Variants in ITPK1 observed in about 807,000 individuals in gnomAD.
ITPK1 encodes the protein inositol-tetrakisphosphate 1-kinase, also known as inositol 1,3,4-trisphosphate 5/6-kinase.
A neutral mutation model predicts 45.3 loss-of-function variants in ITPK1; 21 were observed. The observed-to-expected ratio is 0.46, with a 90% confidence interval of 0.33 to 0.67. The LOEUF (loss-of-function observed/expected upper bound fraction) is 0.67. Among genes scored for constraint, ITPK1 ranks in the 30% least tolerant of loss-of-function variants. The pLI is 0.02. For missense variants in ITPK1, 474 were observed against 573.5 expected (o/e 0.83, Z 1.77); for synonymous variants, 258 against 253.6 (o/e 1.02, Z -0.16).
intron 4 of ITPK1, among the ~76,000 whole-genome samples, chr14:93,011,425 C>T (rs907107575): frequency 1.3e-5 from 2 of 152,182 alleles, no homozygotes; most frequent in Non-Finnish European, 2.9e-5. Context: ...ATGGTGGGGT[C>T]GGGGAGGCAC....
chr14:93,045,444 T>C (rs1220204997), intron 3 of ITPK1, among the ~76,000 whole-genome samples: 2 of 152,138 alleles, frequency 1.3e-5, no homozygotes, highest in Non-Finnish European at 2.9e-5. Flanking sequence ...ATCACCAGGA[T>C]GGGGGAAGAT....
At chr14:93,086,164 G>A (rs1740692) in intron 2 of ITPK1, among the ~76,000 whole-genome samples, 1 of 152,034 alleles carries the variant, frequency 6.6e-6, no homozygotes, top group Non-Finnish European at 1.5e-5. Context: ...TGGACTCACT[G>A]GGGGAGGGAG....
At position 93,076,472 on chromosome 14, in the gene ITPK1, A is replaced by G; in HGVS notation, c.120+123T>C. On this transcript the variant is annotated intron_variant, in intron 3 of 10. Transcript: ENST00000267615. The surrounding 1 kb of genome is among the most constrained non-coding windows in gnomAD (Gnocchi z 4.3). ...CATCAAATCCACAGGGGAGCTAAAA[A>G]CAAGCTGCACGTGAAGAAGAGAGAA... 1 of 1,146,174 alleles carries G rather than the reference A, an allele frequency of 8.7e-7. No individual in the cohort carries two copies. The highest frequency in any genetic ancestry group is 1.3e-6 in the Non-Finnish European group (1 of 777,684). 71.0% of individuals were successfully genotyped at this position (1,146,174 alleles called of 1,614,324 possible). A position where few individuals can be genotyped will look rare whatever the true frequency, so the allele number is the denominator to read the frequency against.
intron 3 of ITPK1, among the ~76,000 whole-genome samples, chr14:93,044,469 A>T (rs1429277569): frequency 6.6e-6 from 1 of 152,240 alleles, no homozygotes; most frequent in Non-Finnish European, 1.5e-5. Context: ...GAACACTGGC[A>T]TCCCTCTGCT....
chr14:93,108,857 A>G (rs1892626409), intron 2 of ITPK1, among the ~76,000 whole-genome samples: 1 of 152,226 alleles, frequency 6.6e-6, no homozygotes, highest in Non-Finnish European at 1.5e-5. Context: ...TACTAAAAAT[A>G]GAAAAATTAG....
chr14:93,064,944 A>G (rs898152537), intron 3 of ITPK1, among the ~76,000 whole-genome samples: 6 of 152,150 alleles, frequency 3.9e-5, no homozygotes, highest in African/African-American at 1.2e-4. Flanking sequence ...GTGTGCGGGG[A>G]ATCCCTGGGA....
At chr14:93,060,361 G>A (rs535766138) in intron 3 of ITPK1, among the ~76,000 whole-genome samples, 92 of 152,296 alleles carry the variant, frequency 6.0e-4, no homozygotes, top group African/African-American at 2.2e-3. Flanking sequence ...AATATGAAGA[G>A]GAACACGTTC....
intron 3 of ITPK1, among the ~76,000 whole-genome samples, chr14:93,019,380 G>A (rs897954323): frequency 7.2e-5 from 11 of 152,302 alleles, no homozygotes; most frequent in African/African-American, 1.2e-4. Flanking sequence ...CCTGACAACC[G>A]CAGCTGTTTG....
chr14:93,109,025 A>T (rs1211848643), intron 2 of ITPK1, among the ~76,000 whole-genome samples: 2 of 152,198 alleles, frequency 1.3e-5, no homozygotes. Flanking sequence ...ACATACACAC[A>T]AAAAGTATGA....
intron 2 of ITPK1, among the ~76,000 whole-genome samples, chr14:93,094,743 G>A (rs1348841047): frequency 6.6e-6 from 1 of 152,208 alleles, no homozygotes. Flanking sequence ...GGGACCCACT[G>A]CAGGCACAGG....
chr14:92,991,577 A>G (rs1192587532), intron 5 of ITPK1, among the ~76,000 whole-genome samples: 1 of 152,044 alleles, frequency 6.6e-6, no homozygotes, highest in Non-Finnish European at 1.5e-5. Flanking sequence ...ACTAGGACAC[A>G]CCCTGCTTAA....
chr14:93,034,217 C>CCT lies in ITPK1; in HGVS notation c.121-17417_121-17416insAG, dbSNP rs1889207676. 6.6e-6 allele frequency among the ~76,000 whole-genome samples: 1 copy of CCT among 151,034 alleles called. No homozygotes were observed. The highest frequency in any genetic ancestry group is 1.5e-5 in the Non-Finnish European group (1 of 67,694). On this transcript the variant is annotated intron_variant, in intron 3 of 10. Transcript: ENST00000267615. This position sits in a 1 kb window ranked among gnomAD's most constrained non-coding sequence, Gnocchi z 4.1. ...CTGAACTGGGAGGTGGCTTCAGCCA[C>CCT]ACAGCACCTGCAGCAGCCGGGGGTT...
intron 3 of ITPK1, among the ~76,000 whole-genome samples, chr14:93,018,379 G>A (rs561415518): frequency 2.6e-5 from 4 of 152,198 alleles, no homozygotes. Flanking sequence ...TTTGTCCTGT[G>A]CTGGCTCTCG....
At chr14:92,956,967 C>T (rs1218202540) in intron 8 of ITPK1, among the ~76,000 whole-genome samples, 1 of 152,162 alleles carries the variant, frequency 6.6e-6, no homozygotes, top group African/African-American at 2.4e-5. Context: ...ACACGCCCAG[C>T]TAGGAAGGCC....
Position 92,938,308 on chromosome 14 carries a change from A to G in ITPK1, c.*3253T>C, listed in dbSNP as rs574762000. 6.5e-5 allele frequency: 42 copies of G among 645,936 alleles called. No individual in the cohort carries two copies. The East Asian group carries it at 1.1e-3, about 17-fold the overall frequency. 40.0% of individuals were successfully genotyped at this position (645,936 alleles called of 1,614,324 possible). A position where few individuals can be genotyped will look rare whatever the true frequency, so the allele number is the denominator to read the frequency against. ...GGCAGATACAGACCCCAGGGACATT[A>G]GTGAAGCCATTCAGCAGTTGTGGCC... On this transcript the variant is annotated 3_prime_UTR_variant, in exon 11 of 11. Coordinates refer to ENST00000267615, the MANE Select transcript of ITPK1 (RefSeq NM_014216.6).
intron 9 of ITPK1, 33 bp from the exon 10 acceptor site, chr14:92,946,526 G>A: frequency 6.2e-7 from 1 of 1,605,594 alleles, no homozygotes; most frequent in Non-Finnish European, 8.5e-7. Context: ...CAGGCCATGG[G>A]CCGAGGAGCT....
At chr14:93,022,792 C>T (rs1177630304) in intron 3 of ITPK1, among the ~76,000 whole-genome samples, 5 of 151,934 alleles carry the variant, frequency 3.3e-5, no homozygotes, top group Non-Finnish European at 5.9e-5. Context: ...TCCCAAAGTG[C>T]TGGGATTACA....
intron 8 of ITPK1, among the ~76,000 whole-genome samples, chr14:92,957,227 C>A (rs1470117778): frequency 6.6e-6 from 1 of 152,218 alleles, no homozygotes; most frequent in Non-Finnish European, 1.5e-5. Context: ...CGTCTGAACG[C>A]TTCTGATGAT....
chr14:93,110,022 T>C (rs147515444), intron 2 of ITPK1, among the ~76,000 whole-genome samples: 2 of 152,234 alleles, frequency 1.3e-5, no homozygotes, highest in Non-Finnish European at 2.9e-5. Context: ...ATTCCCTCAT[T>C]TGATGCTCGC....
Sources: allele counts gnomAD v4.1 joint callset (sites outside exome capture counted in the v4.1 genomes callset), GRCh38; gene constraint gnomAD v4.1.1; non-coding constraint Gnocchi (gnomAD v3.1); transcripts MANE v1.5; gene names NCBI Gene and HGNC (gene_info 2026-07-23, HGNC 2026-07-21).